Variants in JMY observed in about 807,000 individuals in gnomAD.
JMY encodes the protein junction mediating and regulatory protein, p53 cofactor.
Under a neutral mutation model 103.3 loss-of-function variants are expected in JMY, and 46 were observed. The ratio of observed to expected loss-of-function variants is 0.45; its 90% CI spans 0.35 to 0.57. JMY has a LOEUF of 0.57. Among genes scored for constraint, JMY ranks in the 20% least tolerant of loss-of-function variants. The pLI, the probability that JMY is intolerant of heterozygous loss-of-function variation, is 0.00. For synonymous variants in JMY, 526 were observed against 489.3 expected, an observed-to-expected ratio of 1.07 and a Z score of -0.99; for missense variants, 1,238 against 1,255.2, an observed-to-expected ratio of 0.99 and a Z score of 0.21.
chr5:79,300,855 A>G lies in JMY; in HGVS notation c.1873A>G (p.Asn625Asp), dbSNP rs1267474530. 1 of 1,589,866 alleles carries G rather than the reference A, an allele frequency of 6.3e-7. No homozygotes were observed. The highest frequency in any genetic ancestry group is 2.3e-5 in the East Asian group (1 of 44,332). Residue 625 changes from asparagine to aspartate, a missense_variant, in exon 6 of 11, where the codon AAT (asparagine) becomes GAT (aspartate). By Grantham distance (23) the Asn-to-Asp change is conservative (BLOSUM62 1). Coordinates refer to ENST00000396137, the MANE Select transcript of JMY (RefSeq NM_152405.5). ...RVSAKKSYLR[N>D]KKEICIAKHN... ...TTCTGCCAAGAAATCCTACCTCAGA[A>G]ATAAAAAGGTATTTAAATATTGCTT... is the stretch of plus-strand genomic sequence containing the variant.
intron 10 of JMY, among the ~76,000 whole-genome samples, chr5:79,317,491 AT>A (rs1375044263): frequency 6.6e-6 from 1 of 152,220 alleles, no homozygotes; most frequent in East Asian, 1.9e-4. Flanking sequence ...AGTATATCAA[AT>A]TTATAATGAT....
At chr5:79,294,441 T>C (rs1446945805) in intron 4 of JMY, among the ~76,000 whole-genome samples, 1 of 152,010 alleles carries the variant, frequency 6.6e-6, no homozygotes, top group Non-Finnish European at 1.5e-5. Context: ...TGAAATGAAA[T>C]AAAGCCATCA....
chr5:79,316,837 C>T lies in JMY; in HGVS notation c.*3+527C>T, dbSNP rs568362291. Among the ~76,000 whole-genome samples the T allele has an allele frequency of 6.6e-4, 87 of 132,520 alleles. 1 individual carries two copies. The highest frequency in any genetic ancestry group is 2.4e-3 in the African/African-American group (84 of 35,284). 86.9% of individuals were successfully genotyped at this position (132,520 alleles called of 152,430 possible). On this transcript the variant is annotated intron_variant, in intron 10 of 10. Transcript: ENST00000396137. Reference sequence around the variant, plus strand: ...AAGAGAATCACTTGAACCCAGGAGGCGGAGGTTGCAGTGAGCTGAGATCGT... The same window carrying T: ...AAGAGAATCACTTGAACCCAGGAGGTGGAGGTTGCAGTGAGCTGAGATCGT...
intron 1 of JMY, among the ~76,000 whole-genome samples, chr5:79,251,895 C>T (rs1473933676): frequency 2.0e-5 from 3 of 152,170 alleles, no homozygotes; most frequent in African/African-American, 7.2e-5. Flanking sequence ...CTGCCTCAGC[C>T]TCCCGAGTAG....
chr5:79,312,526 T>C, intron 8 of JMY, 28 bp downstream of exon 8: 1 of 1,219,740 alleles, frequency 8.2e-7, no homozygotes, highest in South Asian at 1.6e-5. Flanking sequence ...CCATTTATTG[T>C]TTTTCTTTTT....
At chr5:79,278,340 G>T (rs1249577720) in intron 2 of JMY, among the ~76,000 whole-genome samples, 2 of 152,040 alleles carry the variant, frequency 1.3e-5, no homozygotes, top group Non-Finnish European at 2.9e-5. Flanking sequence ...TTAGCACAAA[G>T]TTGTAAATAC....
chr5:79,317,129 A>C (rs148783968), intron 10 of JMY, among the ~76,000 whole-genome samples: 76 of 152,210 alleles, frequency 5.0e-4, no homozygotes, highest in Non-Finnish European at 7.4e-4. Context: ...TGCACACTGA[A>C]TTTTGATGTC....
Position 79,236,435 on chromosome 5 carries a change from CG to C in JMY, c.-213del, listed in dbSNP as rs1744494724. ...GGTGACCATGTGAACTACCTGCTCC[CG>C]GGACGCTTATTGTCCTTCTCTCGAT... On this transcript the variant is annotated 5_prime_UTR_variant, in exon 1 of 11. Transcript: ENST00000396137. 2 of 391,024 alleles carry C rather than the reference CG, an allele frequency of 5.1e-6. No individual in the cohort carries two copies. The highest frequency in any genetic ancestry group is 2.1e-4 in the South Asian group (2 of 9,362). 24.2% of individuals were successfully genotyped at this position (391,024 alleles called of 1,614,324 possible).
In JMY at chr5:79,325,318, T is replaced by TATCA. The variant is rs1161220016; in HGVS notation, c.*3717_*3720dup. 2.6e-5 allele frequency: 4 copies of TATCA among 152,184 alleles called. No individual in the cohort carries two copies. The highest frequency in any genetic ancestry group is 9.6e-5 in the African/African-American group (4 of 41,452). The allele number at this position is 152,184 out of a possible 1,614,324, so 9.4% of individuals were successfully genotyped here. A position where few individuals can be genotyped will look rare whatever the true frequency, so the allele number is the denominator to read the frequency against. On this transcript the variant is annotated 3_prime_UTR_variant, in exon 11 of 11. Coordinates refer to ENST00000396137, the MANE Select transcript of JMY (RefSeq NM_152405.5). ...AGTACTATTGGGTCCTTAAGGGCTC[T>TATCA]ATCAGGGAGTTGAAATTTCATACGC...
chr5:79,284,844 AAATGGATC>A (rs1163089250), intron 2 of JMY: 2 of 1,574,890 alleles, frequency 1.3e-6, no homozygotes, highest in African/African-American at 2.7e-5. Flanking sequence ...CTTTCTTAGA[AAATGGATC>A]AACCACTTTC....
intron 2 of JMY, among the ~76,000 whole-genome samples, chr5:79,289,112 G>T (rs779432343): frequency 9.2e-5 from 14 of 151,730 alleles, no homozygotes; most frequent in African/African-American, 1.2e-4. Flanking sequence ...GCGGGCATCT[G>T]TAATCCCAGC....
At chr5:79,299,605 G>C (rs1267512376) in intron 4 of JMY, among the ~76,000 whole-genome samples, 1 of 152,108 alleles carries the variant, frequency 6.6e-6, no homozygotes, top group Non-Finnish European at 1.5e-5. Context: ...ACACCTTACG[G>C]ATTGCAAGGA....
chr5:79,277,065 A>T, intron 1 of JMY, among the ~76,000 whole-genome samples: 1 of 152,248 alleles, frequency 6.6e-6, no homozygotes, highest in Middle Eastern at 3.4e-3. Context: ...TTTATTTATA[A>T]TTTTAATAAT....
At chr5:79,307,858 C>A (rs1020912636) in intron 7 of JMY, among the ~76,000 whole-genome samples, 3 of 152,070 alleles carry the variant, frequency 2.0e-5, no homozygotes, top group Admixed American at 1.3e-4. Context: ...CCTGTCTCAG[C>A]CTCCTGAGTA....
At chr5:79,238,180 A>G (rs1744584201) in intron 1 of JMY, among the ~76,000 whole-genome samples, 1 of 152,198 alleles carries the variant, frequency 6.6e-6, no homozygotes, top group Non-Finnish European at 1.5e-5. Context: ...CGAGTGACCT[A>G]AGTGAAAAAG....
Position 79,314,204 on chromosome 5 carries a change from C to A in JMY, c.2065-53C>A, listed in dbSNP as rs989625631. ...AGGAGAAAATAAATAGGCATGTGCT[C>A]ATAAATTGTTTCAATAACATTTAAC... is the stretch of plus-strand genomic sequence containing the variant. On this transcript the variant is annotated intron_variant, in intron 8 of 10. Transcript: ENST00000396137. 3.2e-6 allele frequency: 5 copies of A among 1,543,198 alleles called. No individual in the cohort carries two copies. In the African/African-American group the frequency reaches 5.5e-5, roughly 17 times the overall value.
At chr5:79,298,239 G>C (rs1746622772) in intron 4 of JMY, among the ~76,000 whole-genome samples, 1 of 152,130 alleles carries the variant, frequency 6.6e-6, no homozygotes, top group Non-Finnish European at 1.5e-5. Flanking sequence ...CTTAGATTAA[G>C]GTTTTTAGAC....
At chr5:79,265,371 G>C (rs540176268) in intron 1 of JMY, among the ~76,000 whole-genome samples, 1 of 152,300 alleles carries the variant, frequency 6.6e-6, no homozygotes, top group Admixed American at 6.5e-5. Context: ...TTAAAGCAGT[G>C]CTTCTCAAAG....
At chr5:79,285,427 G>T (rs1391910959) in intron 2 of JMY, among the ~76,000 whole-genome samples, 1 of 152,104 alleles carries the variant, frequency 6.6e-6, no homozygotes, top group Non-Finnish European at 1.5e-5. Context: ...TATTTATTGT[G>T]CAGGGTGCAG....
Sources: gnomAD v4.1 joint callset for allele counts (sites outside exome capture counted in the v4.1 genomes callset) on GRCh38, gnomAD v4.1.1 for gene constraint, MANE v1.5 for transcripts, NCBI Gene and HGNC (gene_info 2026-07-23, HGNC 2026-07-21) for gene names.